Variants in LINGO2 observed in about 807,000 individuals in gnomAD.
LINGO2 encodes leucine rich repeat and Ig domain containing 2.
LINGO2 carries 14 observed loss-of-function variants against 30.6 expected under a neutral mutation model. That is an observed-to-expected ratio of 0.46 (90% confidence interval 0.30 to 0.72). The LOEUF is 0.72. Among genes scored for constraint, LINGO2 ranks in the 30% least tolerant of loss-of-function variants. The pLI is 0.07. For synonymous variants in LINGO2, 317 were observed against 288.5 expected (o/e 1.10, Z -1.00); for missense variants, 729 against 751.7 (o/e 0.97, Z 0.35).
chr9:28,043,417 A>G (rs112253001), intron 4 of LINGO2, among the ~76,000 whole-genome samples: 1 of 152,260 alleles, frequency 6.6e-6, no homozygotes, highest in African/African-American at 2.4e-5. Context: ...TGACAAGTGT[A>G]GTATGTAGAA....
the LINGO2 span, among the ~76,000 whole-genome samples, chr9:28,801,881 T>C: frequency 6.6e-6 from 1 of 152,172 alleles, no homozygotes; most frequent in Non-Finnish European, 1.5e-5. Flanking sequence ...ATTTTTACAA[T>C]GAAATATTAT....
intron 4 of LINGO2, among the ~76,000 whole-genome samples, chr9:28,042,808 T>C (rs1479763174): frequency 6.6e-6 from 1 of 152,206 alleles, no homozygotes; most frequent in Non-Finnish European, 1.5e-5. Context: ...TTCTTCCTTC[T>C]TCCCTTTAAC....
intron 4 of LINGO2, among the ~76,000 whole-genome samples, chr9:28,079,725 C>T (rs561245950): frequency 6.6e-6 from 1 of 152,262 alleles, no homozygotes; most frequent in South Asian, 2.1e-4. Context: ...TCATTTATTT[C>T]CAAGGTTTTA....
At chr9:28,982,156 G>C in the LINGO2 span, among the ~76,000 whole-genome samples, 99,096 of 151,934 alleles carry the variant, frequency 0.65, 32,902 homozygotes, top group Non-Finnish European at 0.72. Context: ...CCTACAACTA[G>C]TAAATTGGTG....
chr9:27,963,430 C>G (rs1481197630), intron 5 of LINGO2, among the ~76,000 whole-genome samples: 1 of 151,988 alleles, frequency 6.6e-6, no homozygotes, highest in Admixed American at 6.6e-5. Context: ...TTTAAGCAAC[C>G]ATTATTTTTA....
intron 5 of LINGO2, among the ~76,000 whole-genome samples, chr9:27,960,158 G>C (rs1292810984): frequency 6.6e-6 from 1 of 151,970 alleles, no homozygotes; most frequent in African/African-American, 2.4e-5. Flanking sequence ...AGAACGACAG[G>C]AACAACCAGC....
the LINGO2 span, among the ~76,000 whole-genome samples, chr9:28,881,170 C>G: frequency 1.3e-5 from 2 of 152,110 alleles, no homozygotes; most frequent in Admixed American, 1.3e-4. Context: ...TCATCCCACC[C>G]GACTAGAAAT....
Position 28,117,705 on chromosome 9 carries a change from C to A in LINGO2, c.-86-105300G>T, listed in dbSNP as rs537388210. Among the ~76,000 whole-genome samples the A allele has an allele frequency of 7.7e-4, 109 of 141,820 alleles. 2 individuals carry two copies. Among genetic ancestry groups the A allele is most frequent in the African/African-American group, 2.7e-3 (103 of 37,680 alleles). The allele number at this position is 141,820 out of a possible 152,430, so 93.0% of individuals were successfully genotyped here. ...GCGTCCGTCACCCCTTTCTTTGACT[C>A]GGAAAGGGAACTCCCTGACCCCTTG... On this transcript the variant is annotated intron_variant, in intron 4 of 5. Transcript: ENST00000379992.
the LINGO2 span, among the ~76,000 whole-genome samples, chr9:29,168,131 C>G: frequency 1.3e-5 from 2 of 151,782 alleles, no homozygotes; most frequent in Admixed American, 6.6e-5. Context: ...ATGATATTTC[C>G]TCATGTCTCT....
chr9:28,466,837 G>T (rs1378766887), intron 2 of LINGO2, among the ~76,000 whole-genome samples: 2 of 152,130 alleles, frequency 1.3e-5, no homozygotes, highest in African/African-American at 4.8e-5. Flanking sequence ...CACAAGGCAT[G>T]AATAAAATTA....
At chr9:28,402,859 C>G (rs1822329176) in intron 2 of LINGO2, among the ~76,000 whole-genome samples, 1 of 152,116 alleles carries the variant, frequency 6.6e-6, no homozygotes, top group African/African-American at 2.4e-5. Flanking sequence ...ACACCTTACA[C>G]TTTTAGCCTT....
intron 2 of LINGO2, among the ~76,000 whole-genome samples, chr9:28,439,718 A>G (rs998052619): frequency 1.3e-5 from 2 of 152,190 alleles, no homozygotes; most frequent in African/African-American, 4.8e-5. Context: ...GTTCCTGCAC[A>G]GCCTGCAGAA....
At chr9:28,052,317 A>G (rs1824714604) in intron 4 of LINGO2, among the ~76,000 whole-genome samples, 1 of 152,130 alleles carries the variant, frequency 6.6e-6, no homozygotes, top group South Asian at 2.1e-4. Context: ...CAGCAATTAC[A>G]AGTAATGACT....
chr9:28,812,514 C>T, the LINGO2 span, among the ~76,000 whole-genome samples: 2 of 152,156 alleles, frequency 1.3e-5, no homozygotes, highest in South Asian at 2.1e-4. Context: ...AATTCCTATG[C>T]TTAATGGTCC....
the LINGO2 span, among the ~76,000 whole-genome samples, chr9:28,685,005 C>G: frequency 6.6e-6 from 1 of 152,056 alleles, no homozygotes; most frequent in African/African-American, 2.4e-5. Context: ...CAAGTAGGCC[C>G]CAGTGTCTGT....
At chr9:28,039,430 T>C (rs539131633) in intron 4 of LINGO2, among the ~76,000 whole-genome samples, 1 of 152,174 alleles carries the variant, frequency 6.6e-6, no homozygotes, top group East Asian at 1.9e-4. Context: ...CAACTAACAG[T>C]GGGAAGACAA....
At chr9:28,106,180 A>G (rs1362906361) in intron 4 of LINGO2, among the ~76,000 whole-genome samples, 1 of 152,144 alleles carries the variant, frequency 6.6e-6, no homozygotes, top group African/African-American at 2.4e-5. Flanking sequence ...GAGTCCGTGG[A>G]AAAACTGTTT....
At chr9:28,487,798 C>T (rs778187519) in intron 1 of LINGO2, among the ~76,000 whole-genome samples, 12 of 152,104 alleles carry the variant, frequency 7.9e-5, no homozygotes, top group African/African-American at 2.6e-4. Flanking sequence ...AGCCATTAAC[C>T]GAAACTCATT....
chr9:28,247,344 C>G (rs1188549649), intron 4 of LINGO2, among the ~76,000 whole-genome samples: 1 of 152,076 alleles, frequency 6.6e-6, no homozygotes, highest in Non-Finnish European at 1.5e-5. Context: ...GAGATGGAAC[C>G]AACCCAAATG....
Sources: gnomAD v4.1 joint callset for allele counts (sites outside exome capture counted in the v4.1 genomes callset) on GRCh38, gnomAD v4.1.1 for gene constraint, MANE v1.5 for transcripts, NCBI Gene and HGNC (gene_info 2026-07-23, HGNC 2026-07-21) for gene names.